Variants in ZNF490 observed in about 807,000 individuals in gnomAD.
The protein encoded by ZNF490 is zinc finger protein 490.
A neutral mutation model predicts 17.7 loss-of-function variants in ZNF490; 11 were observed. The ratio of observed to expected loss-of-function variants is 0.62; its 90% CI spans 0.39 to 1.03. The LOEUF (loss-of-function observed/expected upper bound fraction) is 1.03. ZNF490 is among the 50% of genes least tolerant of loss of function. ZNF490 has a pLI of 0.00. For synonymous variants in ZNF490, 222 were observed against 216.1 expected (o/e 1.03, Z -0.24); for missense variants, 542 against 643.4 (o/e 0.84, Z 1.71).
At position 12,609,203 on chromosome 19, in the gene ZNF490, C is replaced by G; in HGVS notation, c.118-1G>C. ...GTCCATGGTGTTCACTGTTCTGCAT[C>G]TAATTAGAAACAAGAGGATGCATTT... On this transcript the variant is annotated splice_acceptor_variant, in intron 1 of 4. Coordinates refer to ENST00000311437, the MANE Select transcript of ZNF490 (RefSeq NM_020714.3). LOFTEE classifies it high-confidence loss of function. The G allele has an allele frequency of 6.2e-7, 1 of 1,613,994 alleles. No individual in the cohort carries two copies. The highest frequency in any genetic ancestry group is 8.5e-7 in the Non-Finnish European group (1 of 1,179,942).
intron 2 of ZNF490, among the ~76,000 whole-genome samples, chr19:12,583,849 C>T (rs1381721632): frequency 7.3e-6 from 1 of 136,870 alleles, no homozygotes; most frequent in Non-Finnish European, 1.5e-5. Context: ...CTTGCTCTGT[C>T]GCCCAGGCTG....
chr19:12,581,927 A>G (rs1415970287), intron 4 of ZNF490, among the ~76,000 whole-genome samples: 10 of 152,028 alleles, frequency 6.6e-5, no homozygotes, highest in Non-Finnish European at 1.5e-4. Flanking sequence ...AAAAAAAATT[A>G]TTATTATTAT....
rs1446065767 is a variant in ZNF490 at position 12,609,151 on chromosome 19, CACTT to C, written c.162+3_162+6del. 5 of 1,613,894 alleles carry C rather than the reference CACTT, an allele frequency of 3.1e-6. No individual in the cohort carries two copies. The highest frequency in any genetic ancestry group is 2.2e-5 in the East Asian group (1 of 44,888). On this transcript the variant is annotated splice_donor_5th_base_variant and intron_variant, in intron 2 of 4. Transcript: ENST00000311437. ...TAGCCACGCTGACAGGTAGCGATCT[CACTT>C]ACAGTTTGAGTCTTGATGCTTTGTC...
At chr19:12,608,404 G>A (rs181723897) in intron 2 of ZNF490, among the ~76,000 whole-genome samples, 22 of 152,078 alleles carry the variant, frequency 1.4e-4, no homozygotes, top group East Asian at 7.7e-4. Context: ...GCCTCCCGAG[G>A]ACCTGGGACT....
At chr19:12,581,801 A>G (rs1486942583) in intron 4 of ZNF490, 77 bp from the exon 5 acceptor site, 1 of 1,295,776 alleles carries the variant, frequency 7.7e-7, no homozygotes, top group Non-Finnish European at 1.1e-6. Flanking sequence ...CCAGAATTAC[A>G]TTTTAAATAT....
chr19:12,583,807 ATATAT>A lies in ZNF490; in HGVS notation c.163-256_163-252del, dbSNP rs1359562793. ...TCTCTCTCTCTATATATATATATAT[ATATAT>A]TTTTTTTTTTTTTTTTTTGAAACAT... On this transcript the variant is annotated intron_variant, in intron 2 of 4. Transcript: ENST00000311437. Among the ~76,000 whole-genome samples the A allele has an allele frequency of 2.3e-3, 258 of 112,376 alleles. 1 individual carries two copies. Among genetic ancestry groups the A allele is most frequent in the Non-Finnish European group, 3.6e-3 (203 of 56,924 alleles). The allele number at this position is 112,376 out of a possible 152,430, so 73.7% of individuals were successfully genotyped here. A position where few individuals can be genotyped will look rare whatever the true frequency, so the allele number is the denominator to read the frequency against.
At chr19:12,602,042 G>A (rs1046962603) in intron 2 of ZNF490, among the ~76,000 whole-genome samples, 3 of 147,886 alleles carry the variant, frequency 2.0e-5, no homozygotes, top group Non-Finnish European at 3.0e-5. Context: ...ATTATTTCCC[G>A]ATTCCTGGCA....
At chr19:12,603,861 G>A (rs2023036302) in intron 2 of ZNF490, among the ~76,000 whole-genome samples, 1 of 152,006 alleles carries the variant, frequency 6.6e-6, no homozygotes, top group Non-Finnish European at 1.5e-5. Context: ...GTGACAGGTG[G>A]AAGAAATGTC....
intron 2 of ZNF490, among the ~76,000 whole-genome samples, chr19:12,590,465 C>G (rs1024172890): frequency 7.2e-5 from 11 of 151,788 alleles, no homozygotes; most frequent in African/African-American, 2.7e-4. Flanking sequence ...ATCCCCCCAA[C>G]CCCTGCCTCG....
At chr19:12,582,603 C>A (rs1486353279) in intron 4 of ZNF490, among the ~76,000 whole-genome samples, 3 of 151,646 alleles carry the variant, frequency 2.0e-5, no homozygotes, top group East Asian at 1.9e-4. Flanking sequence ...ATCATGTTGG[C>A]CAGGATGGTC....
At chr19:12,603,501 C>CA (rs891408148) in intron 2 of ZNF490, among the ~76,000 whole-genome samples, 11 of 151,254 alleles carry the variant, frequency 7.3e-5, no homozygotes, top group African/African-American at 1.2e-4. Context: ...AAACAAACAA[C>CA]AAAAAAAAGG....
chr19:12,581,923 A>T (rs962775512), intron 4 of ZNF490, among the ~76,000 whole-genome samples, 199 bp from the exon 5 acceptor site: 16 of 152,206 alleles, frequency 1.1e-4, no homozygotes, highest in East Asian at 1.9e-4. Context: ...GTTAAAAAAA[A>T]ATTATTATTA....
intron 2 of ZNF490, among the ~76,000 whole-genome samples, chr19:12,585,721 G>A (rs1434946232): frequency 3.2e-5 from 3 of 92,454 alleles, no homozygotes; most frequent in East Asian, 4.2e-4. Context: ...ACCCAGTCTC[G>A]CTCTGTCACC....
At position 12,581,774 on chromosome 19, in the gene ZNF490, ATATT is replaced by A. The variant is rs753177007; in HGVS notation, c.351-54_351-51del. 3.5e-6 allele frequency: 5 copies of A among 1,438,016 alleles called. No homozygotes were observed. The South Asian group carries it at 4.1e-5, about 12-fold the overall frequency. 89.1% of individuals were successfully genotyped at this position (1,438,016 alleles called of 1,614,324 possible). On this transcript the variant is annotated intron_variant, in intron 4 of 4. Transcript: ENST00000311437. Reference sequence around the variant, plus strand: ...TTAATAGTTTTGTATTAATGATCTTATATTTATTAGCAAGTACCAGAATTACATT... The same window carrying A: ...TTAATAGTTTTGTATTAATGATCTTATATTAGCAAGTACCAGAATTACATT...
Position 12,576,484 on chromosome 19 carries a change from G to A in ZNF490, c.*4001C>T, listed in dbSNP as rs140171028. Among the ~76,000 whole-genome samples the A allele has an allele frequency of 1.2e-3, 178 of 148,960 alleles. No homozygotes were observed. The highest frequency in any genetic ancestry group is 4.2e-3 in the African/African-American group (170 of 40,306). On this transcript the variant is annotated 3_prime_UTR_variant, in exon 5 of 5. Transcript: ENST00000311437. ...TCATGCCACTGCAGTCCAGCTTGGT[G>A]ACAGAGCGAGACTGTGTCTCAAAAA...
At chr19:12,601,938 G>A (rs1046972716) in intron 2 of ZNF490, among the ~76,000 whole-genome samples, 2 of 151,526 alleles carry the variant, frequency 1.3e-5, no homozygotes, top group African/African-American at 4.9e-5. Flanking sequence ...AGCTTGCAGT[G>A]AGCCGAGATC....
rs369362797 is a variant in ZNF490, at chr19:12,588,075, G to A, written c.163-4519C>T. On this transcript the variant is annotated intron_variant, in intron 2 of 4. Transcript: ENST00000311437. ...AGTAGAGACAGGGTTTCACCATGTT[G>A]GCCAGGCTGGTCTCAAACTCCTGAC... Among the ~76,000 whole-genome samples, 6 of 42,908 alleles carry A rather than the reference G, an allele frequency of 1.4e-4. 3 individuals are homozygous for A. The highest frequency in any genetic ancestry group is 4.9e-4 in the Non-Finnish European group (6 of 12,140). 28.1% of individuals were successfully genotyped at this position (42,908 alleles called of 152,430 possible). A position where few individuals can be genotyped will look rare whatever the true frequency, so the allele number is the denominator to read the frequency against.
chr19:12,609,029 C>T (rs1333048137), intron 2 of ZNF490, 129 bp downstream of exon 2: 1 of 767,010 alleles, frequency 1.3e-6, no homozygotes, highest in Non-Finnish European at 2.2e-6. Context: ...TGGTTATTGG[C>T]CTTGACTATG....
intron 2 of ZNF490, among the ~76,000 whole-genome samples, chr19:12,603,072 C>T (rs899848287): frequency 6.6e-6 from 1 of 152,046 alleles, no homozygotes; most frequent in African/African-American, 2.4e-5. Context: ...ATTTTGAGTA[C>T]CACCCCCCAG....
Sources: allele counts gnomAD v4.1 joint callset (sites outside exome capture counted in the v4.1 genomes callset), GRCh38; gene constraint gnomAD v4.1.1; transcripts MANE v1.5; gene names NCBI Gene and HGNC (gene_info 2026-07-23, HGNC 2026-07-21).